PI4KA: variants seen among roughly 807,000 people sequenced by gnomAD.
PI4KA encodes the protein phosphatidylinositol 4-kinase alpha, also known as PI4-kinase alpha.
PI4KA carries 122 observed loss-of-function variants against 271.4 expected under a neutral mutation model. The ratio of observed to expected loss-of-function variants is 0.45; its 90% CI spans 0.39 to 0.52. The LOEUF (loss-of-function observed/expected upper bound fraction) is 0.52. Among genes scored for constraint, PI4KA ranks in the 20% least tolerant of loss-of-function variants. The pLI is 0.00. For missense variants in PI4KA, 1,969 were observed against 2,769.1 expected (o/e 0.71, Z 6.48); for synonymous variants, 1,041 against 1,078.8 (o/e 0.96, Z 0.69).
intron 19 of PI4KA, chr22:20,787,148 G>C: frequency 1.1e-5 from 14 of 1,272,222 alleles, no homozygotes; most frequent in Non-Finnish European, 1.5e-5. Flanking sequence ...GAGATGTTCT[G>C]GCATCATTTA....
At position 20,718,824 on chromosome 22, in the gene PI4KA, TG is replaced by T. The variant is rs1926345394; in HGVS notation, c.5117-3del. Reference sequence around the variant, plus strand: ...GATCCAGGAGGTCGCCGATGTCAGCTGCCAAGGAAGCAAAGAGGCTTAAGTC... The same window carrying T: ...GATCCAGGAGGTCGCCGATGTCAGCTCCAAGGAAGCAAAGAGGCTTAAGTC... On this transcript the variant is annotated splice_polypyrimidine_tract_variant and splice_region_variant and intron_variant, in intron 43 of 54. Coordinates refer to ENST00000255882, the MANE Select transcript of PI4KA (RefSeq NM_058004.4). 6.2e-7 allele frequency: 1 copy of T among 1,613,578 alleles called. No homozygotes were observed. The highest frequency in any genetic ancestry group is 1.7e-5 in the Admixed American group (1 of 59,974).
At position 20,793,257 on chromosome 22, in the gene PI4KA, G is replaced by T; in HGVS notation, c.2278-14C>A. Reference sequence around the variant, plus strand: ...ACTGCTAGAAGCCTAGAAAAGAACAGAATTATTGTCATTAACGAGTATGTG... The same window carrying T: ...ACTGCTAGAAGCCTAGAAAAGAACATAATTATTGTCATTAACGAGTATGTG... On this transcript the variant is annotated splice_polypyrimidine_tract_variant and intron_variant, in intron 18 of 54. Transcript: ENST00000255882. 1 of 1,491,308 alleles carries T rather than the reference G, an allele frequency of 6.7e-7. No individual in the cohort carries two copies. The highest frequency in any genetic ancestry group is 9.3e-7 in the Non-Finnish European group (1 of 1,070,656). 92.4% of individuals were successfully genotyped at this position (1,491,308 alleles called of 1,614,324 possible).
At position 20,708,201 on chromosome 22, in the gene PI4KA, C is replaced by T. The variant is rs577212665; in HGVS notation, c.6258-103G>A. On this transcript the variant is annotated intron_variant, in intron 54 of 54. Transcript: ENST00000255882. The stretch of plus-strand genomic sequence containing the variant: ...CTGTCCAATCAGCCCCTTATGGCTG[C>T]CCAGCACCTGAAGGTACAAATGTCC... The T allele has an allele frequency of 1.8e-5, 16 of 871,248 alleles. No individual in the cohort carries two copies. In the African/African-American group the frequency reaches 2.3e-4, roughly 13 times the overall value. 54.0% of individuals were successfully genotyped at this position (871,248 alleles called of 1,614,324 possible).
intron 3 of PI4KA, among the ~76,000 whole-genome samples, chr22:20,831,567 CAAAACACAAACA>C (rs1013053788): frequency 2.5e-4 from 38 of 150,516 alleles, no homozygotes; most frequent in Non-Finnish European, 1.3e-4. Flanking sequence ...GACTCTTTCT[CAAAACACAAACA>C]AAAACAAAAA....
At chr22:20,724,502 G>C (rs1017689753) in intron 42 of PI4KA, among the ~76,000 whole-genome samples, 1 of 151,930 alleles carries the variant, frequency 6.6e-6, no homozygotes, top group Non-Finnish European at 1.5e-5. Context: ...CAGCTACTTG[G>C]GAGGCTGAGG....
rs752062607 is a variant in PI4KA, at chr22:20,847,147, C to CA, written c.157-8417dup. Among the ~76,000 whole-genome samples, 710 of 74,830 alleles carry CA rather than the reference C, an allele frequency of 9.5e-3. 5 individuals carry two copies. The highest frequency in any genetic ancestry group is 0.015 in the Admixed American group (100 of 6,534). 49.1% of individuals were successfully genotyped at this position (74,830 alleles called of 152,430 possible). On this transcript the variant is annotated intron_variant, in intron 1 of 54. Transcript: ENST00000255882. ...TGGGCAACAGAGCAAGACTCCATCT[C>CA]AAAAAAAAAAAAAAAAAGTAATAGC...
chr22:20,727,718 G>A, intron 40 of PI4KA, 56 bp downstream of exon 40: 1 of 1,284,330 alleles, frequency 7.8e-7, no homozygotes, highest in Non-Finnish European at 1.1e-6. Flanking sequence ...ATTTCTGGGT[G>A]CAGTGTGCTA....
At chr22:20,796,088 G>A in intron 18 of PI4KA, 58 bp downstream of exon 18, 1 of 1,519,430 alleles carries the variant, frequency 6.6e-7, no homozygotes, top group South Asian at 1.1e-5. Context: ...TGAAGACTAA[G>A]CCTTGGCCAG....
At chr22:20,728,470 C>T (rs920787243) in intron 39 of PI4KA, among the ~76,000 whole-genome samples, 5 of 152,186 alleles carry the variant, frequency 3.3e-5, no homozygotes, top group African/African-American at 1.2e-4. Flanking sequence ...ACCCCTGCCT[C>T]TTACTCCTTT....
intron 32 of PI4KA, among the ~76,000 whole-genome samples, chr22:20,741,636 T>C (rs1033443129): frequency 6.6e-5 from 10 of 152,234 alleles, no homozygotes; most frequent in Admixed American, 5.2e-4. Flanking sequence ...ATTCCAATTT[T>C]CCTGAGGGAA....
chr22:20,722,847 G>A (rs563985868), intron 42 of PI4KA, among the ~76,000 whole-genome samples: 6 of 152,204 alleles, frequency 3.9e-5, no homozygotes, highest in East Asian at 1.9e-4. Flanking sequence ...ATTCTAACCC[G>A]GCAAATGGAT....
At chr22:20,826,674 TGTAA>T (rs1923462629) in intron 3 of PI4KA, among the ~76,000 whole-genome samples, 1 of 152,244 alleles carries the variant, frequency 6.6e-6, no homozygotes, top group Admixed American at 6.5e-5. Flanking sequence ...ACCAGCAGTG[TGTAA>T]GTGTTCCCTT....
rs913310705 is a variant in PI4KA, at chr22:20,728,574, T to C, written c.4683-710A>G. 1.3e-5 allele frequency among the ~76,000 whole-genome samples: 2 copies of C among 152,226 alleles called. 1 individual carries two copies. The highest frequency in any genetic ancestry group is 2.9e-5 in the Non-Finnish European group (2 of 68,044). On this transcript the variant is annotated intron_variant, in intron 39 of 54. Transcript: ENST00000255882. The stretch of plus-strand genomic sequence containing the variant: ...CAGGGGCCACAAGGCACCTGGTCCA[T>C]GAAGGGGCAGCTACTGGTTTCCAGG...
At chr22:20,785,893 C>T in intron 19 of PI4KA, 7 of 1,409,624 alleles carry the variant, frequency 5.0e-6, no homozygotes, top group Non-Finnish European at 6.0e-6. Context: ...TTAATAAGTG[C>T]TATATCAATT....
At position 20,729,968 on chromosome 22, in the gene PI4KA, A is replaced by G; in HGVS notation, c.4332T>C (p.Ser1444=). The change falls in exon 37 of 55, where the codon TCT becomes TCC. Residue 1444 remains serine (S), a synonymous_variant. Coordinates refer to ENST00000255882, the MANE Select transcript of PI4KA (RefSeq NM_058004.4). ...TRSNLDITVG[S]RQQATQGWIN... The stretch of plus-strand genomic sequence containing the variant: ...TCCAGCCTTGGGTGGCTTGTTGCCG[A>G]GAGCCGACAGTTATGTCCAGGTTGC... 3 of 1,614,186 alleles carry G rather than the reference A, an allele frequency of 1.9e-6. No individual in the cohort carries two copies. Among genetic ancestry groups the G allele is most frequent in the Non-Finnish European group, 2.5e-6 (3 of 1,180,028 alleles).
At chr22:20,831,785 T>C (rs1023831704) in intron 3 of PI4KA, among the ~76,000 whole-genome samples, 9 of 152,162 alleles carry the variant, frequency 5.9e-5, no homozygotes, top group Non-Finnish European at 2.9e-5. Flanking sequence ...GAGAATCTGA[T>C]GACTATGTGC....
chr22:20,761,726 C>T (rs988882361), intron 22 of PI4KA, among the ~76,000 whole-genome samples: 1 of 151,840 alleles, frequency 6.6e-6, no homozygotes, highest in Non-Finnish European at 1.5e-5. Context: ...TTCGATGACA[C>T]ATCATGCAGC....
chr22:20,801,927 T>G (rs764762083), intron 14 of PI4KA, 46 bp downstream of exon 14: 2 of 1,598,828 alleles, frequency 1.3e-6, no homozygotes, highest in East Asian at 4.5e-5. Flanking sequence ...AATAACCCGC[T>G]TGTCTGGAGC....
intron 1 of PI4KA, among the ~76,000 whole-genome samples, chr22:20,858,222 G>A (rs1297709041): frequency 6.6e-6 from 1 of 152,150 alleles, no homozygotes; most frequent in African/African-American, 2.4e-5. Context: ...CTGGTCCTCG[G>A]CTCATCCCAC....
Sources: gnomAD v4.1 joint callset for allele counts (sites outside exome capture counted in the v4.1 genomes callset) on GRCh38, gnomAD v4.1.1 for gene constraint, MANE v1.5 for transcripts, NCBI Gene and HGNC (gene_info 2026-07-23, HGNC 2026-07-21) for gene names.